SLC24A2: variants seen among roughly 807,000 people sequenced by gnomAD.
SLC24A2 encodes sodium/potassium/calcium exchanger 2.
A neutral mutation model predicts 62.0 loss-of-function variants in SLC24A2; 36 were observed. That is an observed-to-expected ratio of 0.58 (90% CI 0.44 to 0.77). The LOEUF is 0.77. SLC24A2 is among the 30% of genes least tolerant of loss of function. SLC24A2 has a pLI of 0.00. For synonymous variants in SLC24A2, 358 were observed against 294.0 expected (o/e 1.22, Z -2.23); for missense variants, 846 against 817.9 (o/e 1.03, Z -0.42).
At chr9:19,967,208 G>A in the SLC24A2 span, 1 of 152,052 alleles carries the variant, frequency 6.6e-6, no homozygotes, top group African/African-American at 2.4e-5. Flanking sequence ...TAATAGTTCA[G>A]CTCCCAGCAT....
the SLC24A2 span, among the ~76,000 whole-genome samples, chr9:20,080,549 TTC>T: frequency 6.6e-6 from 1 of 152,102 alleles, no homozygotes; most frequent in Non-Finnish European, 1.5e-5. Context: ...GGCAATACCA[TTC>T]AGGACATAGG....
At position 19,786,513 on chromosome 9, in the gene SLC24A2, T is replaced by C; in HGVS notation, c.354A>G (p.Gly118=). The C allele has an allele frequency of 6.2e-7, 1 of 1,614,200 alleles. No individual in the cohort carries two copies. Among genetic ancestry groups the C allele is most frequent in the South Asian group, 1.1e-5 (1 of 91,088 alleles). ...ESENSTDHAQ[G]DYPKDIFSLE... is the part of the protein sequence containing the mutation. The stretch of plus-strand genomic sequence containing the variant: ...GGGAAAAGATGTCTTTCGGGTAGTC[T>C]CCTTGGGCGTGATCTGTACTATTCT... The change falls in exon 2 of 11, where the codon GGA becomes GGG. Residue 118 remains glycine (G), a synonymous_variant. Coordinates refer to ENST00000341998, the MANE Select transcript of SLC24A2 (RefSeq NM_020344.4). The surrounding 1 kb of genome is among the most constrained non-coding windows in gnomAD (Gnocchi z 5.0).
chr9:20,067,601 T>C, the SLC24A2 span, among the ~76,000 whole-genome samples: 1,608 of 152,206 alleles, frequency 0.011, 35 homozygotes, highest in African/African-American at 0.037. Context: ...GTGTACTCAA[T>C]GTTTAGCTCC....
intron 2 of SLC24A2, among the ~76,000 whole-genome samples, chr9:19,686,153 T>C (rs181229646): frequency 2.7e-4 from 41 of 152,140 alleles, no homozygotes; most frequent in African/African-American, 9.6e-4. Context: ...AAGAAGCATA[T>C]GAAAAAATGC....
the SLC24A2 span, among the ~76,000 whole-genome samples, chr9:19,937,455 T>TATA: frequency 6.6e-6 from 1 of 152,258 alleles, no homozygotes; most frequent in Admixed American, 6.5e-5. Flanking sequence ...AGCTCCTTGC[T>TATA]TGATATAGGG....
chr9:20,207,161 T>C, the SLC24A2 span, among the ~76,000 whole-genome samples: 1 of 152,226 alleles, frequency 6.6e-6, no homozygotes, highest in African/African-American at 2.4e-5. Flanking sequence ...AAATTTTCTT[T>C]CATTCTATAA....
the SLC24A2 span, among the ~76,000 whole-genome samples, chr9:19,961,906 C>T: frequency 6.6e-6 from 1 of 152,194 alleles, no homozygotes; most frequent in East Asian, 1.9e-4. Context: ...GAATGTAGTC[C>T]CAGCCAACAG....
intron 2 of SLC24A2, among the ~76,000 whole-genome samples, chr9:19,697,719 C>A (rs1362466737): frequency 2.6e-5 from 4 of 152,044 alleles, no homozygotes; most frequent in Non-Finnish European, 4.4e-5. Context: ...TAATCATGTT[C>A]ATCTTTTAAA....
the SLC24A2 span, among the ~76,000 whole-genome samples, chr9:19,889,275 A>G: frequency 6.6e-6 from 1 of 152,198 alleles, no homozygotes; most frequent in African/African-American, 2.4e-5. Flanking sequence ...GGGTGTGTCT[A>G]TAATCCACCT....
the SLC24A2 span, among the ~76,000 whole-genome samples, chr9:19,838,249 C>A: frequency 6.6e-6 from 1 of 152,056 alleles, no homozygotes; most frequent in African/African-American, 2.4e-5. Context: ...GAACAGAGCC[C>A]TCAGAAATAA....
chr9:19,877,165 G>C, the SLC24A2 span, among the ~76,000 whole-genome samples: 3 of 151,118 alleles, frequency 2.0e-5, no homozygotes, highest in Non-Finnish European at 4.4e-5. Context: ...CTTTTTATTG[G>C]GCCCCAGTGA....
the SLC24A2 span, among the ~76,000 whole-genome samples, chr9:19,846,746 G>A: frequency 6.6e-6 from 1 of 152,052 alleles, no homozygotes; most frequent in Admixed American, 6.6e-5. Context: ...CAGATCTGGG[G>A]CTGGGCACAG....
At chr9:19,670,402 AACC>A (rs1819381137) in intron 2 of SLC24A2, among the ~76,000 whole-genome samples, 1 of 152,220 alleles carries the variant, frequency 6.6e-6, no homozygotes, top group Non-Finnish European at 1.5e-5. Context: ...ACTCTACAAA[AACC>A]ACATAGTCTA....
chr9:19,521,093 G>GT (rs773042167), intron 9 of SLC24A2, 33 bp from the exon 10 acceptor site: 1 of 1,608,682 alleles, frequency 6.2e-7, no homozygotes, highest in South Asian at 1.1e-5. Flanking sequence ...ACATCTCAGT[G>GT]TTTGAAGTTA....
At chr9:20,200,079 C>T in the SLC24A2 span, among the ~76,000 whole-genome samples, 36 of 151,818 alleles carry the variant, frequency 2.4e-4, no homozygotes, top group South Asian at 6.3e-4. Flanking sequence ...AAATAAGAAA[C>T]AAAAATACTT....
chr9:19,866,108 T>A, the SLC24A2 span, among the ~76,000 whole-genome samples: 1 of 152,172 alleles, frequency 6.6e-6, no homozygotes, highest in Non-Finnish European at 1.5e-5. Context: ...GTGCTCAACA[T>A]CATTAAACAT....
chr9:20,140,067 G>T, the SLC24A2 span, among the ~76,000 whole-genome samples: 1 of 152,204 alleles, frequency 6.6e-6, no homozygotes, highest in Non-Finnish European at 1.5e-5. Context: ...ATTGAAAAGA[G>T]AATACAACCC....
At chr9:20,169,696 A>C in the SLC24A2 span, among the ~76,000 whole-genome samples, 1 of 142,116 alleles carries the variant, frequency 7.0e-6, no homozygotes, top group African/African-American at 2.9e-5. Context: ...CTTGAGCCCT[A>C]AACCTTCCCA....
At chr9:19,889,957 C>G in the SLC24A2 span, among the ~76,000 whole-genome samples, 2 of 152,188 alleles carry the variant, frequency 1.3e-5, no homozygotes, top group Non-Finnish European at 2.9e-5. Flanking sequence ...TCCACCAAGC[C>G]TCATCAAATT....
Sources: gnomAD v4.1 joint callset for allele counts (sites outside exome capture counted in the v4.1 genomes callset) on GRCh38, gnomAD v4.1.1 for gene constraint, Gnocchi (gnomAD v3.1) non-coding constraint, MANE v1.5 for transcripts, NCBI Gene and HGNC (gene_info 2026-07-23, HGNC 2026-07-21) for gene names.